The following IAPP variants were observed in gnomAD, a reference collection of about 807,000 sequenced individuals.
IAPP encodes islet amyloid polypeptide.
In IAPP, 4 loss-of-function variants were observed where a neutral mutation model predicts 2.9. The ratio of observed to expected loss-of-function variants is 1.39; its 90% confidence interval spans 0.69 to 3.19. The LOEUF is 3.19. IAPP is among the 30% of genes most tolerant of loss of function. The pLI is 0.01. For missense variants in IAPP, 114 were observed against 105.3 expected (o/e 1.08, Z -0.36); for synonymous variants, 40 against 42.1 (o/e 0.95, Z 0.19).
intron 1 of IAPP, among the ~76,000 whole-genome samples, chr12:21,363,427 C>A (rs1034932220): frequency 3.3e-5 from 5 of 152,102 alleles, no homozygotes; most frequent in African/African-American, 1.2e-4. Context: ...GCACTAAATG[C>A]CCACAAGACA....
chr12:21,376,808 C>T (rs1940230464), intron 2 of IAPP, among the ~76,000 whole-genome samples: 2 of 152,038 alleles, frequency 1.3e-5, no homozygotes, highest in African/African-American at 4.8e-5. Flanking sequence ...TATGCATATC[C>T]ACTGGCTCCT....
At chr12:21,357,470 G>T (rs2137033203) in intron 1 of IAPP, among the ~76,000 whole-genome samples, 3 of 152,302 alleles carry the variant, frequency 2.0e-5, no homozygotes, top group Middle Eastern at 6.8e-3. Context: ...CTCCAGAACT[G>T]TGAAACTATA....
At chr12:21,364,101 G>T (rs1351789746) in intron 1 of IAPP, among the ~76,000 whole-genome samples, 1 of 152,030 alleles carries the variant, frequency 6.6e-6, no homozygotes, top group Non-Finnish European at 1.5e-5. Flanking sequence ...CAAAAAAAGA[G>T]AATTTTAGAC....
chr12:21,359,364 T>C (rs1938629923), intron 1 of IAPP, among the ~76,000 whole-genome samples: 1 of 151,762 alleles, frequency 6.6e-6, no homozygotes, highest in African/African-American at 2.4e-5. Flanking sequence ...ACCCTCTTCC[T>C]CAACTTGACT....
intron 2 of IAPP, chr12:21,373,834 C>T (rs1422151061): frequency 2.0e-5 from 11 of 539,222 alleles, no homozygotes; most frequent in Non-Finnish European, 3.3e-5. Flanking sequence ...GTATATATTA[C>T]TTAGATTTTT....
chr12:21,362,627 G>A (rs146633074), intron 1 of IAPP, among the ~76,000 whole-genome samples: 3,938 of 152,156 alleles, frequency 0.026, 201 homozygotes, highest in African/African-American at 0.09. Context: ...GAGTCAAGAC[G>A]CATCAGTGTG....
chr12:21,374,520 C>T (rs982243971), intron 2 of IAPP: 2 of 152,184 alleles, frequency 1.3e-5, no homozygotes, highest in Admixed American at 6.5e-5. Context: ...AAGATTTCTA[C>T]AGCACCTACG....
chr12:21,361,643 G>GA (rs1591880887), intron 1 of IAPP, among the ~76,000 whole-genome samples: 1 of 152,156 alleles, frequency 6.6e-6, no homozygotes, highest in Non-Finnish European at 1.5e-5. Context: ...TAAAAACCTT[G>GA]AAAAAAGAGT....
upstream of IAPP, among the ~76,000 whole-genome samples, chr12:21,369,232 A>G (rs1451906579): frequency 4.6e-5 from 7 of 152,090 alleles, no homozygotes; most frequent in East Asian, 1.9e-4. Context: ...TTTATCTTCA[A>G]TCTCTTCTCA....
chr12:21,377,385 TTTA>T (rs1290339011), intron 2 of IAPP, among the ~76,000 whole-genome samples: 1 of 152,212 alleles, frequency 6.6e-6, no homozygotes, highest in South Asian at 2.1e-4. Flanking sequence ...TATTTTTTAC[TTTA>T]TTATATTTCA....
rs529441249 is a variant in IAPP, at chr12:21,357,721, T to C, written c.-16+2708T>C. 2.0e-5 allele frequency among the ~76,000 whole-genome samples: 3 copies of C among 151,706 alleles called. No individual in the cohort carries two copies. In the East Asian group the frequency reaches 5.8e-4, roughly 29 times the overall value. ...TTTTTCATTTGTTTCTGTGTTTATT[T>C]TTTTTGTTTTTATCTGGAGGAATCA... On this transcript the variant is annotated intron_variant, in intron 1 of 2. Coordinates refer to the IAPP transcript ENST00000539393.
At chr12:21,372,839 C>T (rs892356779), upstream of IAPP, 1 of 160,112 alleles carries the variant, frequency 6.2e-6, no homozygotes, top group South Asian at 1.8e-4. Context: ...CTCTGAGCTG[C>T]CTGATGTCAG....
intron 1 of IAPP, among the ~76,000 whole-genome samples, chr12:21,355,782 A>T (rs185440200): frequency 6.6e-5 from 10 of 152,344 alleles, no homozygotes; most frequent in Non-Finnish European, 1.2e-4. Context: ...GTTTAAAAGA[A>T]AATTTGTATG....
intron 2 of IAPP, among the ~76,000 whole-genome samples, chr12:21,377,578 G>T (rs945315243): frequency 1.3e-5 from 2 of 151,958 alleles, no homozygotes; most frequent in African/African-American, 2.4e-5. Context: ...CCTCTCCCTT[G>T]CCCCTGATAA....
chr12:21,355,846 A>T (rs1938323407), intron 1 of IAPP, among the ~76,000 whole-genome samples: 1 of 152,204 alleles, frequency 6.6e-6, no homozygotes, highest in Non-Finnish European at 1.5e-5. Context: ...TGGTTAAAAG[A>T]TTTTAAAACT....
upstream of IAPP, among the ~76,000 whole-genome samples, chr12:21,371,611 AC>A (rs2137086300): frequency 6.6e-6 from 1 of 152,308 alleles, no homozygotes; most frequent in East Asian, 1.9e-4. Flanking sequence ...TTAAGATTAC[AC>A]AGGCATGCAC....
chr12:21,368,672 T>A (rs1939568062), upstream of IAPP, among the ~76,000 whole-genome samples: 1 of 151,800 alleles, frequency 6.6e-6, no homozygotes, highest in Non-Finnish European at 1.5e-5. Context: ...CAGTGGGAGG[T>A]GGGAGGAAAG....
chr12:21,379,874 G>T lies in IAPP; in HGVS notation c.*1448G>T, dbSNP rs576562434. ...ATTGTAGAGGCTTTCGTTGGTGGTG[G>T]TAAGTGGTAGCGGTAGTGAGTGTAT... On this transcript the variant is annotated 3_prime_UTR_variant, in exon 3 of 3. Transcript: ENST00000240652. 3.9e-4 allele frequency: 60 copies of T among 152,262 alleles called. No individual in the cohort carries two copies. Among genetic ancestry groups the T allele is most frequent in the African/African-American group, 1.4e-3 (58 of 41,562 alleles). The allele number at this position is 152,262 out of a possible 1,614,324, so 9.4% of individuals were successfully genotyped here.
In IAPP at chr12:21,362,974, T is replaced by C. The variant is rs1248638551; in HGVS notation, c.-16+7961T>C. ...GACATTAACACCCCACTGTGAACAT[T>C]AGACAGATCAACAAGACAGAAAGTT... On this transcript the variant is annotated intron_variant, in intron 1 of 2. Coordinates refer to the IAPP transcript ENST00000539393. Among the ~76,000 whole-genome samples the C allele has an allele frequency of 3.9e-5, 6 of 152,128 alleles. No homozygotes were observed. In the East Asian group the frequency reaches 5.8e-4, roughly 15 times the overall value.
Sources: allele counts gnomAD v4.1 joint callset (sites outside exome capture counted in the v4.1 genomes callset), GRCh38; gene constraint gnomAD v4.1.1; transcripts MANE v1.5; gene names NCBI Gene and HGNC (gene_info 2026-07-23, HGNC 2026-07-21).